Variants in IGSF21 observed in about 807,000 individuals in gnomAD.
The protein encoded by IGSF21 is immunoglobulin superfamily member 21.
In IGSF21, 28 loss-of-function variants were observed where a neutral mutation model predicts 46.8. The observed-to-expected ratio is 0.60, with a 90% CI of 0.44 to 0.82. The LOEUF (loss-of-function observed/expected upper bound fraction) is 0.82. Among genes scored for constraint, IGSF21 ranks in the 40% least tolerant of loss-of-function variants. The pLI is 0.00. For synonymous variants in IGSF21, 284 were observed against 273.6 expected (o/e 1.04, Z -0.38); for missense variants, 624 against 665.5 (o/e 0.94, Z 0.69).
At chr1:18,151,210 G>T (rs2086519116) in intron 1 of IGSF21, among the ~76,000 whole-genome samples, 1 of 152,170 alleles carries the variant, frequency 6.6e-6, no homozygotes, top group Non-Finnish European at 1.5e-5. Flanking sequence ...TCACAGTCAG[G>T]GTAATTAACA....
In IGSF21 at chr1:18,289,464, C is replaced by T. The variant is rs375520784; in HGVS notation, c.184-2402C>T. On this transcript the variant is annotated intron_variant, in intron 2 of 9. Coordinates refer to ENST00000251296, the MANE Select transcript of IGSF21 (RefSeq NM_032880.5). ...TGAACTCTGGTCCAGAAGCCAGACG[C>T]TTGTCAGGAACCTAGTGTGGGGCCT... 7.2e-5 allele frequency among the ~76,000 whole-genome samples: 11 copies of T among 152,370 alleles called. No individual in the cohort carries two copies. In the South Asian group the frequency reaches 1.0e-3, roughly 14 times the overall value.
At chr1:18,270,819 G>A (rs896022630) in intron 2 of IGSF21, among the ~76,000 whole-genome samples, 8 of 151,938 alleles carry the variant, frequency 5.3e-5, no homozygotes, top group Non-Finnish European at 1.2e-4. Context: ...TGCCATCAAG[G>A]CTGTCACTCA....
intron 3 of IGSF21, among the ~76,000 whole-genome samples, chr1:18,320,613 C>T (rs2085591899): frequency 6.6e-6 from 1 of 152,224 alleles, no homozygotes. Context: ...GTTTGCTTTG[C>T]CCAACTGGAG....
chr1:18,325,464 G>A (rs560568565), intron 3 of IGSF21, among the ~76,000 whole-genome samples: 25 of 152,250 alleles, frequency 1.6e-4, no homozygotes, highest in African/African-American at 5.8e-4. Flanking sequence ...CTGACCAGCA[G>A]CAGCGGTACC....
intron 3 of IGSF21, among the ~76,000 whole-genome samples, chr1:18,298,775 G>A (rs1055593741): frequency 3.3e-5 from 5 of 152,170 alleles, no homozygotes; most frequent in Non-Finnish European, 7.3e-5. Context: ...ACATAGCTAC[G>A]GTGCACAAAA....
At chr1:18,209,303 G>A (rs2084365608) in intron 1 of IGSF21, among the ~76,000 whole-genome samples, 1 of 152,150 alleles carries the variant, frequency 6.6e-6, no homozygotes, top group African/African-American at 2.4e-5. Flanking sequence ...GAAGCTTCCT[G>A]TGTCCAAGAG....
chr1:18,297,733 A>G (rs1373589864), intron 3 of IGSF21, among the ~76,000 whole-genome samples: 2 of 152,230 alleles, frequency 1.3e-5, no homozygotes, highest in Non-Finnish European at 2.9e-5. Context: ...TAGATTACTT[A>G]TAATACTTAC....
chr1:18,168,936 A>G (rs1198591956), intron 1 of IGSF21, among the ~76,000 whole-genome samples: 1 of 152,074 alleles, frequency 6.6e-6, no homozygotes, highest in Non-Finnish European at 1.5e-5. Flanking sequence ...GACAGCCCCG[A>G]GGGGCCCCGA....
At chr1:18,241,115 C>T (rs2084723057) in intron 2 of IGSF21, among the ~76,000 whole-genome samples, 1 of 152,160 alleles carries the variant, frequency 6.6e-6, no homozygotes, top group Non-Finnish European at 1.5e-5. Flanking sequence ...GGCCAGGGGA[C>T]ACCTGGGAGT....
chr1:18,295,951 CTGGCACACAGTGGGTGCA>C, intron 3 of IGSF21, among the ~76,000 whole-genome samples: 1 of 152,354 alleles, frequency 6.6e-6, no homozygotes, highest in South Asian at 2.1e-4. Context: ...AGCCCAGGGC[CTGGCACACAGTGGGTGCA>C]TAATGAAATG....
intron 4 of IGSF21, among the ~76,000 whole-genome samples, chr1:18,339,183 C>T (rs891214342): frequency 6.6e-5 from 10 of 152,270 alleles, no homozygotes; most frequent in South Asian, 6.2e-4. Context: ...TTACGGATGA[C>T]GGAGCAGAGG....
At chr1:18,359,725 T>C (rs1375579221) in intron 4 of IGSF21, among the ~76,000 whole-genome samples, 1 of 152,192 alleles carries the variant, frequency 6.6e-6, no homozygotes, top group African/African-American at 2.4e-5. Context: ...GTCACTGATC[T>C]TTGGGGTAAC....
intron 1 of IGSF21, among the ~76,000 whole-genome samples, chr1:18,216,320 G>A (rs1186317761): frequency 1.3e-5 from 2 of 152,182 alleles, no homozygotes; most frequent in Admixed American, 6.5e-5. Flanking sequence ...TTGAGTTGGA[G>A]GGGCAAAGAG....
At chr1:18,267,346 G>T (rs571117517) in intron 2 of IGSF21, among the ~76,000 whole-genome samples, 42 of 152,310 alleles carry the variant, frequency 2.8e-4, no homozygotes, top group Admixed American at 7.8e-4. Flanking sequence ...ACAAGGATTA[G>T]AAGGTGAGCA....
intron 1 of IGSF21, among the ~76,000 whole-genome samples, chr1:18,209,874 G>A (rs573351995): frequency 7.9e-5 from 12 of 152,100 alleles, no homozygotes; most frequent in Admixed American, 2.0e-4. Flanking sequence ...CCATGCATCC[G>A]TTGCCTTGAG....
intron 4 of IGSF21, among the ~76,000 whole-genome samples, chr1:18,355,128 C>A (rs1308858787): frequency 2.6e-5 from 4 of 152,168 alleles, no homozygotes; most frequent in Admixed American, 2.6e-4. Context: ...TTAGAGCCAG[C>A]ACCCTGGGAG....
intron 2 of IGSF21, among the ~76,000 whole-genome samples, chr1:18,268,157 G>A (rs537895262): frequency 1.1e-3 from 174 of 152,298 alleles, no homozygotes; most frequent in African/African-American, 4.0e-3. Context: ...TCAACCACAC[G>A]GAGCAATATT....
At chr1:18,202,662 G>A (rs1406595186) in intron 1 of IGSF21, among the ~76,000 whole-genome samples, 1 of 152,206 alleles carries the variant, frequency 6.6e-6, no homozygotes, top group Non-Finnish European at 1.5e-5. Context: ...ACTATCATGA[G>A]AACAGTATGG....
intron 1 of IGSF21, among the ~76,000 whole-genome samples, chr1:18,171,243 A>T (rs2086733415): frequency 6.6e-6 from 1 of 152,188 alleles, no homozygotes; most frequent in Non-Finnish European, 1.5e-5. Context: ...GAGAGGAGGC[A>T]TTCACAGATT....
Sources: allele counts gnomAD v4.1 joint callset (sites outside exome capture counted in the v4.1 genomes callset), GRCh38; gene constraint gnomAD v4.1.1; transcripts MANE v1.5; gene names NCBI Gene and HGNC (gene_info 2026-07-23, HGNC 2026-07-21).